Variants in LRMDA observed in about 807,000 individuals in gnomAD.
The protein encoded by LRMDA is leucine-rich melanocyte differentiation-associated protein.
LRMDA carries 18 observed loss-of-function variants against 29.8 expected under a neutral mutation model. The ratio of observed to expected loss-of-function variants is 0.60; its 90% CI spans 0.42 to 0.90. The LOEUF (loss-of-function observed/expected upper bound fraction) is 0.90, where lower values mean the gene tolerates loss of function less well. Ranked by LOEUF, LRMDA falls within the 40% of genes least tolerant of loss-of-function variation. The pLI is 0.00. For synonymous variants in LRMDA, 125 were observed against 109.4 expected (o/e 1.14, Z -0.89); for missense variants, 273 against 273.9 (o/e 1.00, Z 0.02).
intron 2 of LRMDA, among the ~76,000 whole-genome samples, chr10:75,652,203 A>C (rs1841608262): frequency 6.6e-6 from 1 of 152,218 alleles, no homozygotes; most frequent in Non-Finnish European, 1.5e-5. Context: ...AGTTCTGACA[A>C]AGCAAGTCCG....
At chr10:76,083,798 C>A (rs1849087390) in intron 5 of LRMDA, among the ~76,000 whole-genome samples, 1 of 148,136 alleles carries the variant, frequency 6.8e-6, no homozygotes, top group Non-Finnish European at 1.5e-5. Flanking sequence ...CGCGCCATTG[C>A]ACTCCAGCCT....
rs565133825 is a variant in LRMDA, at chr10:75,731,497, G to A, written c.131+293003G>A. ...CTATATGCCCAGTGCTTAAGATAGTGCCTGGCCCACAGTAAATGTTCAATA... is the reference window on the plus strand; with the variant it reads ...CTATATGCCCAGTGCTTAAGATAGTACCTGGCCCACAGTAAATGTTCAATA... On this transcript the variant is annotated intron_variant, in intron 2 of 6. Transcript: ENST00000611255. 2.0e-5 allele frequency among the ~76,000 whole-genome samples: 3 copies of A among 152,330 alleles called. No individual in the cohort carries two copies. In the South Asian group the frequency reaches 6.2e-4, roughly 32 times the overall value.
At chr10:75,779,239 C>G (rs1490496371) in intron 2 of LRMDA, among the ~76,000 whole-genome samples, 2 of 152,126 alleles carry the variant, frequency 1.3e-5, no homozygotes, top group South Asian at 2.1e-4. Context: ...ATGAATTAAG[C>G]TAGAAAACAT....
intron 6 of LRMDA, among the ~76,000 whole-genome samples, chr10:76,411,536 T>C (rs1841961603): frequency 6.6e-6 from 1 of 152,356 alleles, no homozygotes; most frequent in Middle Eastern, 3.4e-3. Context: ...TTGTTGGACT[T>C]CAGATAAATT....
At chr10:75,766,261 G>A (rs1212217638) in intron 2 of LRMDA, among the ~76,000 whole-genome samples, 1 of 152,216 alleles carries the variant, frequency 6.6e-6, no homozygotes, top group Admixed American at 6.5e-5. Context: ...AACAGGTGCT[G>A]CATTGAACTG....
At chr10:75,854,455 T>G (rs1844787420) in intron 2 of LRMDA, among the ~76,000 whole-genome samples, 1 of 152,186 alleles carries the variant, frequency 6.6e-6, no homozygotes, top group Admixed American at 6.5e-5. Context: ...GGCCACTTTC[T>G]ATATAATACT....
chr10:75,782,686 T>G, intron 2 of LRMDA: 1 of 1,194,810 alleles, frequency 8.4e-7, no homozygotes, highest in Non-Finnish European at 1.1e-6. Flanking sequence ...CAGTTCCAAG[T>G]AGAGTCAACA....
intron 2 of LRMDA, among the ~76,000 whole-genome samples, chr10:75,837,662 C>T (rs1283683979): frequency 6.6e-6 from 1 of 151,900 alleles, no homozygotes; most frequent in Non-Finnish European, 1.5e-5. Context: ...TGATGGATAC[C>T]CCGTCTACCC....
intron 3 of LRMDA, among the ~76,000 whole-genome samples, chr10:76,038,697 A>T (rs928932093): frequency 6.6e-6 from 1 of 152,146 alleles, no homozygotes; most frequent in Non-Finnish European, 1.5e-5. Flanking sequence ...CTCCTACCTA[A>T]CTGTGAGAAT....
At chr10:76,139,408 TA>T (rs1407697623) in intron 5 of LRMDA, among the ~76,000 whole-genome samples, 1 of 151,580 alleles carries the variant, frequency 6.6e-6, no homozygotes, top group Non-Finnish European at 1.5e-5. Context: ...AAACCCCTTT[TA>T]ATTTACCACC....
At chr10:75,878,908 A>T (rs549437008) in intron 2 of LRMDA, among the ~76,000 whole-genome samples, 1 of 152,190 alleles carries the variant, frequency 6.6e-6, no homozygotes, top group Admixed American at 6.5e-5. Context: ...TCCTGCTTCT[A>T]TGCAGTGGGT....
chr10:75,960,238 A>G (rs1312369610), intron 2 of LRMDA, among the ~76,000 whole-genome samples: 1 of 152,232 alleles, frequency 6.6e-6, no homozygotes, highest in Non-Finnish European at 1.5e-5. Flanking sequence ...ATAACTGATT[A>G]CTTCAAATTC....
chr10:75,508,013 C>G (rs1845187483), intron 2 of LRMDA, among the ~76,000 whole-genome samples: 1 of 152,196 alleles, frequency 6.6e-6, no homozygotes, highest in African/African-American at 2.4e-5. Flanking sequence ...CATGCAGAAG[C>G]ATTTTAAAAA....
chr10:76,284,273 G>A (rs559343616), intron 5 of LRMDA, among the ~76,000 whole-genome samples: 47 of 152,248 alleles, frequency 3.1e-4, no homozygotes, highest in Non-Finnish European at 5.9e-4. Context: ...TAAGCACAAC[G>A]GTTCCGAAGA....
At chr10:75,671,158 C>T (rs1020209464) in intron 2 of LRMDA, among the ~76,000 whole-genome samples, 1 of 152,142 alleles carries the variant, frequency 6.6e-6, no homozygotes, top group African/African-American at 2.4e-5. Flanking sequence ...TGCCTTTCAG[C>T]ATTTCAAGAG....
At chr10:75,772,855 T>TG (rs1311922254) in intron 2 of LRMDA, among the ~76,000 whole-genome samples, 36 of 9,004 alleles carry the variant, frequency 4.0e-3, no homozygotes, top group South Asian at 0.037. Flanking sequence ...TCTTATTTTT[T>TG]GGGGGGGGTG....
At chr10:76,236,171 G>A (rs962876869) in intron 5 of LRMDA, among the ~76,000 whole-genome samples, 1 of 152,168 alleles carries the variant, frequency 6.6e-6, no homozygotes, top group African/African-American at 2.4e-5. Flanking sequence ...CTCTAGGAAA[G>A]CCTGATGCCA....
At chr10:75,722,859 C>G (rs549041251) in intron 2 of LRMDA, among the ~76,000 whole-genome samples, 2 of 152,274 alleles carry the variant, frequency 1.3e-5, no homozygotes, top group South Asian at 2.1e-4. Flanking sequence ...TTTGAGTTGC[C>G]TAGGAGTTTC....
chr10:75,832,185 C>T (rs1320870910), intron 2 of LRMDA, among the ~76,000 whole-genome samples: 1 of 152,130 alleles, frequency 6.6e-6, no homozygotes, highest in Non-Finnish European at 1.5e-5. Context: ...GCTCTGTTTC[C>T]CTTTTAAAAC....
Sources: gnomAD v4.1 joint callset for allele counts (sites outside exome capture counted in the v4.1 genomes callset) on GRCh38, gnomAD v4.1.1 for gene constraint, MANE v1.5 for transcripts, NCBI Gene and HGNC (gene_info 2026-07-23, HGNC 2026-07-21) for gene names.